Variants in IFT56 observed in about 807,000 individuals in gnomAD.
IFT56 encodes intraflagellar transport 56, also known as intraflagellar transport protein 56.
the IFT56 span, chr7:139,133,856 A>C: frequency 1.2e-6 from 2 of 1,614,252 alleles, no homozygotes; most frequent in Non-Finnish European, 1.7e-6. Flanking sequence ...ACCGACGTCA[A>C]GATGGTTAGT....
the IFT56 span, among the ~76,000 whole-genome samples, chr7:139,153,442 G>C: frequency 3.7e-5 from 5 of 134,124 alleles, no homozygotes; most frequent in African/African-American, 7.0e-5. Flanking sequence ...CCGATACTCC[G>C]TCTCAAAAAA....
the IFT56 span, chr7:139,178,332 TA>T: frequency 5.1e-6 from 8 of 1,565,004 alleles, no homozygotes; most frequent in Non-Finnish European, 6.2e-6. Context: ...TAAGACTTTA[TA>T]TACAAAATAC....
At chr7:139,135,985 G>A in the IFT56 span, among the ~76,000 whole-genome samples, 4 of 151,296 alleles carry the variant, frequency 2.6e-5, no homozygotes, top group South Asian at 2.1e-4. Flanking sequence ...GTGCAATGGC[G>A]CAATCTCAGC....
chr7:139,174,436 G>A, the IFT56 span, among the ~76,000 whole-genome samples: 8 of 152,234 alleles, frequency 5.3e-5, no homozygotes, highest in South Asian at 2.1e-4. Context: ...TGAGGTTCCC[G>A]ACCGTGTGTG....
the IFT56 span, chr7:139,178,494 T>C: frequency 6.3e-7 from 1 of 1,599,600 alleles, no homozygotes; most frequent in East Asian, 2.2e-5. Flanking sequence ...CAGTGTGACC[T>C]GTTCTTGGGA....
the IFT56 span, among the ~76,000 whole-genome samples, chr7:139,160,311 G>A: frequency 1.3e-5 from 2 of 152,086 alleles, no homozygotes; most frequent in Admixed American, 1.3e-4. Flanking sequence ...AACCTTAGTT[G>A]TTTAAGGCTT....
chr7:139,135,277 C>CA, the IFT56 span, among the ~76,000 whole-genome samples: 4,611 of 62,228 alleles, frequency 0.074, 186 homozygotes, highest in Non-Finnish European at 0.12. Flanking sequence ...GACTCCGTCT[C>CA]AAAAAAAAAA....
At chr7:139,135,277 C>CAAAAAAAAA in the IFT56 span, among the ~76,000 whole-genome samples, 2 of 63,026 alleles carry the variant, frequency 3.2e-5, no homozygotes, top group Non-Finnish European at 6.8e-5. Flanking sequence ...GACTCCGTCT[C>CAAAAAAAAA]AAAAAAAAAA....
At chr7:139,166,055 T>A in the IFT56 span, among the ~76,000 whole-genome samples, 2 of 152,182 alleles carry the variant, frequency 1.3e-5, no homozygotes, top group Admixed American at 1.3e-4. Context: ...CCTCCAAGTT[T>A]CAAGCAATTC....
the IFT56 span, chr7:139,173,588 T>A: frequency 4.4e-5 from 36 of 820,732 alleles, no homozygotes; most frequent in African/African-American, 1.0e-4. Context: ...CAGGAGAGTG[T>A]AATCAAAGGT....
At chr7:139,142,763 C>T in the IFT56 span, among the ~76,000 whole-genome samples, 2 of 151,950 alleles carry the variant, frequency 1.3e-5, no homozygotes, top group African/African-American at 4.8e-5. Flanking sequence ...ACCCAGGAGG[C>T]GGGGGTTGCA....
the IFT56 span, among the ~76,000 whole-genome samples, chr7:139,136,488 C>T: frequency 6.6e-6 from 1 of 152,108 alleles, no homozygotes; most frequent in Non-Finnish European, 1.5e-5. Flanking sequence ...CTCATTCTGT[C>T]ACCCAGCCTG....
At chr7:139,163,909 G>A in the IFT56 span, among the ~76,000 whole-genome samples, 2 of 152,190 alleles carry the variant, frequency 1.3e-5, no homozygotes, top group Non-Finnish European at 2.9e-5. Context: ...CATGCTGGAT[G>A]ACCTTGCTTT....
the IFT56 span, among the ~76,000 whole-genome samples, chr7:139,176,541 A>G: frequency 3.3e-5 from 5 of 152,196 alleles, no homozygotes; most frequent in African/African-American, 1.2e-4. Flanking sequence ...TGATTAAAGT[A>G]TTTCATCAGC....
chr7:139,148,181 T>C, the IFT56 span: 1 of 1,580,060 alleles, frequency 6.3e-7, no homozygotes, highest in Non-Finnish European at 8.7e-7. Flanking sequence ...CTTAAATGGT[T>C]AACCCTAATT....
chr7:139,179,705 C>T, the IFT56 span: 1 of 1,365,208 alleles, frequency 7.3e-7, no homozygotes. Flanking sequence ...GTTGCATAAT[C>T]TGTTCGGAAA....
the IFT56 span, chr7:139,169,359 CT>C: frequency 6.2e-7 from 1 of 1,613,278 alleles, no homozygotes; most frequent in South Asian, 1.1e-5. Flanking sequence ...TGTGGTATGT[CT>C]GAAATCTGTA....
chr7:139,137,923 A>G, the IFT56 span: 1 of 1,612,620 alleles, frequency 6.2e-7, no homozygotes, highest in Non-Finnish European at 8.5e-7. Flanking sequence ...CTGGGTGACT[A>G]CAAGAGAGCT....
chr7:139,134,677 C>G, the IFT56 span: 1 of 1,612,280 alleles, frequency 6.2e-7, no homozygotes, highest in African/African-American at 1.3e-5. Flanking sequence ...GCCAAACCTG[C>G]TGTAGGCAGA....
Sources: allele counts gnomAD v4.1 joint callset (sites outside exome capture counted in the v4.1 genomes callset), GRCh38; gene constraint gnomAD v4.1.1; transcripts MANE v1.5; gene names NCBI Gene and HGNC (gene_info 2026-07-23, HGNC 2026-07-21).